The following MKNK2 variants were observed in gnomAD, a reference collection of about 807,000 sequenced individuals.
The protein encoded by MKNK2 is MAP kinase-interacting serine/threonine-protein kinase 2.
MKNK2 carries 54 observed loss-of-function variants against 55.0 expected under a neutral mutation model. The ratio of observed to expected loss-of-function variants is 0.98; its 90% CI spans 0.79 to 1.23. The LOEUF (loss-of-function observed/expected upper bound fraction) is 1.23. Among genes scored for constraint, MKNK2 ranks in the 50% most tolerant of loss-of-function variants. The pLI, the probability that MKNK2 is intolerant of heterozygous loss-of-function variation, is 0.00. For missense variants in MKNK2, 685 were observed against 632.1 expected (o/e 1.08, Z -0.90); for synonymous variants, 323 against 256.0 (o/e 1.26, Z -2.50).
intron 6 of MKNK2, among the ~76,000 whole-genome samples, 153 bp from the exon 7 acceptor site, chr19:2,043,350 G>A (rs573869645): frequency 6.6e-6 from 1 of 152,270 alleles, no homozygotes; most frequent in South Asian, 2.1e-4. Context: ...CTGCCCGCCT[G>A]GGGCTGTCAG....
intron 2 of MKNK2, among the ~76,000 whole-genome samples, chr19:2,048,231 T>C (rs1599386007): frequency 6.6e-6 from 1 of 151,390 alleles, no homozygotes; most frequent in East Asian, 2.0e-4. Flanking sequence ...AGGCTGGGGC[T>C]GGGTCATTTC....
At chr19:2,047,016 T>C (rs1351381525) in intron 2 of MKNK2, among the ~76,000 whole-genome samples, 3 of 152,124 alleles carry the variant, frequency 2.0e-5, no homozygotes, top group African/African-American at 7.2e-5. Flanking sequence ...CCCAGGCTGG[T>C]CTTAAACCCC....
intron 11 of MKNK2, among the ~76,000 whole-genome samples, 170 bp from the exon 12 acceptor site, chr19:2,041,374 G>A (rs1458731397): frequency 6.6e-6 from 1 of 152,036 alleles, no homozygotes; most frequent in Non-Finnish European, 1.5e-5. Flanking sequence ...CTCCACCCAA[G>A]TGGAGCTGGA....
In MKNK2 at chr19:2,043,185, C is replaced by T. The variant is rs138391416; in HGVS notation, c.432G>A (p.Glu144=). The T allele has an allele frequency of 1.1e-5, 18 of 1,586,884 alleles. No homozygotes were observed. Among genetic ancestry groups the T allele is most frequent in the Admixed American group, 3.3e-5 (2 of 59,938 alleles). The change falls in exon 7 of 14, where the codon GAG becomes GAA. Residue 144 remains glutamate (E), a synonymous_variant. Coordinates refer to ENST00000250896, the MANE Select transcript of MKNK2 (RefSeq NM_199054.3). The part of the protein sequence containing the change: ...YQCQGHRNVL[E]LIEFFEEEDR... ...CCTCCTCCTCGAAGAACTCAATCAG[C>T]TCTAGGACGTTCCTGGGGTGGGGGT...
chr19:2,039,348 A>C lies in MKNK2; in HGVS notation c.*265T>G. On this transcript the variant is annotated 3_prime_UTR_variant, in exon 14 of 14. Transcript: ENST00000250896. The stretch of plus-strand genomic sequence containing the variant: ...GGGGGACCGGGGAGGGGACAAGCCC[A>C]CCCACCTACCCTCTGCTCACCTTCC... The C allele has an allele frequency of 7.5e-7, 1 of 1,339,482 alleles. No individual in the cohort carries two copies. The highest frequency in any genetic ancestry group is 9.6e-7 in the Non-Finnish European group (1 of 1,044,650). 83.0% of individuals were successfully genotyped at this position (1,339,482 alleles called of 1,614,324 possible). A position where few individuals can be genotyped will look rare whatever the true frequency, so the allele number is the denominator to read the frequency against.
At chr19:2,040,995 C>A in intron 12 of MKNK2, 45 bp downstream of exon 12, 2 of 1,598,992 alleles carry the variant, frequency 1.3e-6, no homozygotes, top group Non-Finnish European at 1.7e-6. Context: ...GGCCACCCTG[C>A]AGCGCCCCCA....
At chr19:2,049,718 C>T (rs2017072485) in intron 2 of MKNK2, among the ~76,000 whole-genome samples, 1 of 152,214 alleles carries the variant, frequency 6.6e-6, no homozygotes, top group Non-Finnish European at 1.5e-5. Flanking sequence ...CTGTCAGGTC[C>T]TCCTCTTTCC....
chr19:2,043,325 T>C (rs555941096), intron 6 of MKNK2, 128 bp from the exon 7 acceptor site: 27 of 1,000,318 alleles, frequency 2.7e-5, no homozygotes, highest in Admixed American at 7.4e-5. Context: ...ACTGGGGCAA[T>C]AGGCCAGCTT....
intron 2 of MKNK2, 75 bp downstream of exon 2, chr19:2,050,726 C>A (rs1263777671): frequency 2.2e-6 from 3 of 1,391,860 alleles, no homozygotes; most frequent in South Asian, 2.5e-5. Flanking sequence ...ATCTTAGGGG[C>A]GGGCCCCGCG....
chr19:2,041,322 G>A (rs1321987970), intron 11 of MKNK2, 118 bp from the exon 12 acceptor site: 12 of 1,036,528 alleles, frequency 1.2e-5, no homozygotes, highest in Middle Eastern at 4.5e-4. Flanking sequence ...GACCACGCAC[G>A]CCTGGGGCAG....
rs1283429351 is a variant in MKNK2 at position 2,038,116 on chromosome 19, G to A, written c.*1497C>T. ...AGGCAGAGCACCCCCACGGCCACCG[G>A]ACTGTGACCATCATACGAGATTCAG... On this transcript the variant is annotated 3_prime_UTR_variant, in exon 14 of 14. Coordinates refer to ENST00000250896, the MANE Select transcript of MKNK2 (RefSeq NM_199054.3). The A allele has an allele frequency of 1.8e-5, 20 of 1,094,312 alleles. No individual in the cohort carries two copies. Among genetic ancestry groups the A allele is most frequent in the Non-Finnish European group, 1.9e-5 (17 of 899,090 alleles). The allele number at this position is 1,094,312 out of a possible 1,614,324, so 67.8% of individuals were successfully genotyped here.
chr19:2,046,200 C>G lies in MKNK2; in HGVS notation c.325G>C (p.Glu109Gln), dbSNP rs1237936632. ...CGCGGGCCCACCTTGACGGCGTACT[C>G]CTGGCTGGTGATCAGGTTGATGCAG... is the stretch of plus-strand genomic sequence containing the variant. Reference protein sequence around the residue: ...QTCINLITSQEYAVKIIEKQP... With the variant: ...QTCINLITSQQYAVKIIEKQP... Residue 109 changes from glutamate (E) to glutamine (Q), a missense_variant, in exon 5 of 14, where the codon GAG (glutamate) becomes CAG (glutamine). Physicochemically the swap from Glu to Gln is conservative, Grantham distance 29 (BLOSUM62 2). Coordinates refer to ENST00000250896, the MANE Select transcript of MKNK2 (RefSeq NM_199054.3). 3 of 1,608,578 alleles carry G rather than the reference C, an allele frequency of 1.9e-6. No homozygotes were observed.
chr19:2,050,274 G>A (rs2017086138), intron 2 of MKNK2, among the ~76,000 whole-genome samples: 1 of 152,294 alleles, frequency 6.6e-6, no homozygotes. Context: ...CTCCCCCACG[G>A]CACAGGCCCC....
At position 2,046,259 on chromosome 19, in the gene MKNK2, A is replaced by G. The variant is rs758029677; in HGVS notation, c.266T>C (p.Val89Ala). The G allele has an allele frequency of 6.2e-7, 1 of 1,605,460 alleles. No homozygotes were observed. Among genetic ancestry groups the G allele is most frequent in the Non-Finnish European group, 8.5e-7 (1 of 1,179,898 alleles). ...FEDVYQLQED[V>A]LGEGAHARVQ... ...TCGGGCATGAGCGCCCTCCCCCAGC[A>G]CATCTTCCTGCAGCTGGTAGACGTC... The change falls in exon 5 of 14, where the codon GTG becomes GCG. Residue 89 changes from valine to alanine, a missense_variant. By Grantham distance (64) the Val-to-Ala change is moderately conservative. Coordinates refer to ENST00000250896, the MANE Select transcript of MKNK2 (RefSeq NM_199054.3).
In MKNK2 at chr19:2,037,672, A is replaced by T; in HGVS notation, c.*1941T>A. The T allele has an allele frequency of 9.3e-7, 1 of 1,076,818 alleles. No individual in the cohort carries two copies. Among genetic ancestry groups the T allele is most frequent in the Non-Finnish European group, 1.3e-6 (1 of 781,122 alleles). 66.7% of individuals were successfully genotyped at this position (1,076,818 alleles called of 1,614,324 possible). ...TGTCTTTTAAAAACATCGTAACATT[A>T]ACACATGGCCGTTCACCGTCCCCCA... On this transcript the variant is annotated 3_prime_UTR_variant, in exon 14 of 14. Transcript: ENST00000250896.
intron 2 of MKNK2, 83 bp from the exon 3 acceptor site, chr19:2,046,774 G>A: frequency 8.9e-7 from 1 of 1,127,876 alleles, no homozygotes; most frequent in Non-Finnish European, 1.2e-6. Flanking sequence ...CAGTGTCGCA[G>A]CGTCCACACT....
Position 2,042,026 on chromosome 19 carries a change from C to T in MKNK2, c.759G>A (p.Ser253=). ...CTACCTCCGGGGCCATGTACTCCGCCGAGCCGCACTGCGGGCGGGGGAGGG... is the reference window on the plus strand; with the variant it reads ...CTACCTCCGGGGCCATGTACTCCGCTGAGCCGCACTGCGGGCGGGGGAGGG... ...STPELLTPCG[S]AEYMAPEVVE... is the part of the protein sequence containing the mutation. The change falls in exon 11 of 14, where the codon TCG becomes TCA. Residue 253 remains serine (S), a synonymous_variant. Transcript: ENST00000250896. 1 of 1,497,364 alleles carries T rather than the reference C, an allele frequency of 6.7e-7. No homozygotes were observed. Among genetic ancestry groups the T allele is most frequent in the Non-Finnish European group, 8.9e-7 (1 of 1,123,472 alleles). The allele number at this position is 1,497,364 out of a possible 1,614,324, so 92.8% of individuals were successfully genotyped here. A position where few individuals can be genotyped will look rare whatever the true frequency, so the allele number is the denominator to read the frequency against.
intron 13 of MKNK2, 94 bp from the exon 14 acceptor site, chr19:2,039,950 C>A (rs1008061575): frequency 4.8e-6 from 7 of 1,462,448 alleles, no homozygotes; most frequent in Non-Finnish European, 6.5e-6. Context: ...GGCTTCATGC[C>A]CCCCTCCCAG....
chr19:2,047,572 G>A (rs1302612405), intron 2 of MKNK2, among the ~76,000 whole-genome samples: 2 of 152,088 alleles, frequency 1.3e-5, no homozygotes, highest in Non-Finnish European at 2.9e-5. Context: ...GGGATCAAAG[G>A]CAGCGGGGCA....
Sources: gnomAD v4.1 joint callset for allele counts (sites outside exome capture counted in the v4.1 genomes callset) on GRCh38, gnomAD v4.1.1 for gene constraint, MANE v1.5 for transcripts, NCBI Gene and HGNC (gene_info 2026-07-23, HGNC 2026-07-21) for gene names.